Variants in MICAL2 observed in about 807,000 individuals in gnomAD.
The protein encoded by MICAL2 is [F-actin]-monooxygenase MICAL2.
In MICAL2, 77 loss-of-function variants were observed where a neutral mutation model predicts 127.3. The observed-to-expected ratio is 0.60, with a 90% CI of 0.50 to 0.73. The LOEUF is 0.73. Ranked by LOEUF, MICAL2 falls within the 30% of genes least tolerant of loss-of-function variation. The pLI is 0.00. For missense variants in MICAL2, 1,351 were observed against 1,434.4 expected (o/e 0.94, Z 0.94); for synonymous variants, 570 against 551.1 (o/e 1.03, Z -0.48).
At chr11:12,298,590 TG>T (rs1864012400) in intron 29 of MICAL2, among the ~76,000 whole-genome samples, 1 of 152,174 alleles carries the variant, frequency 6.6e-6, no homozygotes, top group East Asian at 1.9e-4. Flanking sequence ...ATGCTGCTGG[TG>T]TTTTTCCCAG....
chr11:12,222,570 G>A, intron 10 of MICAL2, 47 bp from the exon 11 acceptor site: 1 of 1,613,162 alleles, frequency 6.2e-7, no homozygotes, highest in Non-Finnish European at 8.5e-7. Context: ...GACAAGGCCT[G>A]AGGTGGCAAA....
chr11:12,215,441 T>G (rs1201379152), intron 7 of MICAL2, among the ~76,000 whole-genome samples: 4 of 152,292 alleles, frequency 2.6e-5, no homozygotes, highest in African/African-American at 7.2e-5. Flanking sequence ...GCCTCACACT[T>G]GAGTATGAAT....
intron 3 of MICAL2, among the ~76,000 whole-genome samples, chr11:12,194,032 C>A (rs998512718): frequency 4.6e-5 from 7 of 152,224 alleles, no homozygotes; most frequent in African/African-American, 1.7e-4. Flanking sequence ...GCAGGTCTGG[C>A]AATAATATGG....
intron 2 of MICAL2, among the ~76,000 whole-genome samples, chr11:12,141,459 T>G (rs1385095091): frequency 1.3e-5 from 2 of 152,202 alleles, no homozygotes; most frequent in Non-Finnish European, 1.5e-5. Context: ...CAGAGCTTGC[T>G]TCTGTAAGCA....
At chr11:12,113,364 A>G (rs1849747892) in intron 1 of MICAL2, among the ~76,000 whole-genome samples, 1 of 152,216 alleles carries the variant, frequency 6.6e-6, no homozygotes, top group African/African-American at 2.4e-5. Flanking sequence ...TGGGCAACGT[A>G]GCAAGACTGC....
At chr11:12,129,829 T>C (rs1851269541) in intron 1 of MICAL2, among the ~76,000 whole-genome samples, 1 of 151,970 alleles carries the variant, frequency 6.6e-6, no homozygotes, top group African/African-American at 2.4e-5. Flanking sequence ...CAGTTCTGCC[T>C]CTGGAGTAGC....
intron 32 of MICAL2, among the ~76,000 whole-genome samples, chr11:12,337,136 T>G (rs910585409): frequency 3.9e-5 from 6 of 152,204 alleles, no homozygotes; most frequent in Non-Finnish European, 8.8e-5. Flanking sequence ...TCAGAGCCTG[T>G]TATTGGTCTA....
At chr11:12,212,176 G>A (rs1855555543) in intron 6 of MICAL2, among the ~76,000 whole-genome samples, 1 of 152,158 alleles carries the variant, frequency 6.6e-6, no homozygotes. Flanking sequence ...ATTGCTGTCA[G>A]GTGCGTTTAC....
At chr11:12,125,392 T>C (rs1232504152) in intron 1 of MICAL2, among the ~76,000 whole-genome samples, 2 of 152,222 alleles carry the variant, frequency 1.3e-5, no homozygotes, top group Non-Finnish European at 2.9e-5. Flanking sequence ...TAGCTGGGAA[T>C]ACAGGCATGC....
intron 3 of MICAL2, among the ~76,000 whole-genome samples, chr11:12,196,826 C>T (rs1033167141): frequency 3.9e-5 from 6 of 152,144 alleles, no homozygotes; most frequent in African/African-American, 1.4e-4. Flanking sequence ...TTTCTCTACT[C>T]TCCTGGTTTC....
intron 3 of MICAL2, among the ~76,000 whole-genome samples, chr11:12,162,705 T>C (rs557878692): frequency 6.6e-6 from 1 of 152,216 alleles, no homozygotes; most frequent in Non-Finnish European, 1.5e-5. Flanking sequence ...CTGCTGCCAC[T>C]ACTACTACTT....
At chr11:12,129,636 C>CTTTTTTTTTTTTTTTTTTTTTTTTTT (rs559528778) in intron 1 of MICAL2, among the ~76,000 whole-genome samples, 1 of 97,466 alleles carries the variant, frequency 1.0e-5, no homozygotes, top group African/African-American at 4.6e-5. Flanking sequence ...TCTTCTTCTT[C>CTTTTTTTTTTTTTTTTTTTTTTTTTT]TTTTTTTTTT....
intron 1 of MICAL2, among the ~76,000 whole-genome samples, chr11:12,116,271 C>T (rs1356267246): frequency 6.6e-6 from 1 of 151,510 alleles, no homozygotes; most frequent in East Asian, 1.9e-4. Context: ...AGCCACTGCG[C>T]CTGGCCCCTC....
downstream of MICAL2, among the ~76,000 whole-genome samples, chr11:12,267,662 AG>A (rs1243712300): frequency 3.3e-5 from 5 of 152,044 alleles, no homozygotes; most frequent in Admixed American, 6.6e-5. Context: ...CCTAGGCTGG[AG>A]TGATGTCAGC....
At chr11:12,188,333 G>T (rs969236676) in intron 3 of MICAL2, among the ~76,000 whole-genome samples, 1 of 152,220 alleles carries the variant, frequency 6.6e-6, no homozygotes, top group South Asian at 2.1e-4. Context: ...AAAATTGCAC[G>T]TGTGGCTCAC....
In MICAL2 at chr11:12,242,385, T is replaced by C. The variant is rs1219497636; in HGVS notation, c.2509T>C (p.Ser837Pro). Residue 837 changes from serine to proline, a missense_variant, in exon 19 of 28, where the codon TCC (serine) becomes CCC (proline). Around this residue, in one of 2 missense-constraint regions of MICAL2, gnomAD observed 752 missense variants for 719.4 expected, o/e 1.05. Transcript: ENST00000683283. ...TACCCGCCCGAGGGCGCAGGCTCTT[T>C]CCGGGGTGCTGTGGCGGCTGCAGCA... ...PSTRPRAQAL[S>P]GVLWRLQQVE... The C allele has an allele frequency of 6.2e-7, 1 of 1,613,146 alleles. No individual in the cohort carries two copies.
intron 4 of MICAL2, among the ~76,000 whole-genome samples, chr11:12,204,822 G>T (rs191061798): frequency 6.6e-6 from 1 of 152,200 alleles, no homozygotes; most frequent in South Asian, 2.1e-4. Flanking sequence ...CTGATGGAGC[G>T]CATTAAGATT....
At chr11:12,258,196 G>A (rs184617341) in intron 24 of MICAL2, among the ~76,000 whole-genome samples, 121 of 152,314 alleles carry the variant, frequency 7.9e-4, no homozygotes, top group African/African-American at 2.8e-3. Flanking sequence ...CACCCTACGG[G>A]AGCCGGCATG....
chr11:12,325,754 C>A (rs1864347328), intron 31 of MICAL2, among the ~76,000 whole-genome samples: 1 of 152,186 alleles, frequency 6.6e-6, no homozygotes, highest in South Asian at 2.1e-4. Context: ...CTTAAAGGCC[C>A]TATCTCCAAA....
Sources: allele counts gnomAD v4.1 joint callset (sites outside exome capture counted in the v4.1 genomes callset), GRCh38; gene constraint gnomAD v4.1.1; regional missense constraint gnomAD v4.1.1; transcripts MANE v1.5; gene names NCBI Gene and HGNC (gene_info 2026-07-23, HGNC 2026-07-21).